The following CNTNAP4 variants were observed in gnomAD, a reference collection of about 807,000 sequenced individuals.
CNTNAP4 encodes the protein contactin-associated protein-like 4.
A neutral mutation model predicts 148.4 loss-of-function variants in CNTNAP4; 98 were observed. The observed-to-expected ratio is 0.66, with a 90% confidence interval of 0.56 to 0.78. CNTNAP4 has a LOEUF of 0.78. Among genes scored for constraint, CNTNAP4 ranks in the 30% least tolerant of loss-of-function variants. CNTNAP4 has a pLI of 0.00. For missense variants in CNTNAP4, 1,935 were observed against 1,565.6 expected (o/e 1.24, Z -3.98); for synonymous variants, 730 against 565.1 (o/e 1.29, Z -4.14).
chr16:76,519,038 GT>G (rs2083359677), intron 15 of CNTNAP4, among the ~76,000 whole-genome samples: 1 of 152,070 alleles, frequency 6.6e-6, no homozygotes, highest in South Asian at 2.1e-4. Flanking sequence ...CCAGATTCTG[GT>G]GGGTGTCTCT....
At chr16:76,361,655 A>G (rs2144551239) in intron 3 of CNTNAP4, among the ~76,000 whole-genome samples, 1 of 152,326 alleles carries the variant, frequency 6.6e-6, no homozygotes, top group South Asian at 2.1e-4. Context: ...TCCTGATTTC[A>G]GTTCTTTTGG....
At chr16:76,359,305 G>A (rs1055826624) in intron 3 of CNTNAP4, among the ~76,000 whole-genome samples, 3 of 152,130 alleles carry the variant, frequency 2.0e-5, no homozygotes, top group African/African-American at 7.2e-5. Flanking sequence ...ACGAAAGAGA[G>A]TTAGGAAACA....
intron 2 of CNTNAP4, among the ~76,000 whole-genome samples, chr16:76,325,466 C>G (rs1465208756): frequency 6.6e-6 from 1 of 152,002 alleles, no homozygotes; most frequent in Non-Finnish European, 1.5e-5. Flanking sequence ...AGTGCCCTAG[C>G]TATAGTGGAA....
intron 11 of CNTNAP4, among the ~76,000 whole-genome samples, chr16:76,478,394 A>C (rs1432521581): frequency 6.6e-6 from 1 of 151,854 alleles, no homozygotes; most frequent in African/African-American, 2.4e-5. Context: ...AGCATGATAT[A>C]TTATAGGAAC....
intron 8 of CNTNAP4, among the ~76,000 whole-genome samples, chr16:76,457,900 A>C (rs1264845231): frequency 6.6e-6 from 1 of 152,110 alleles, no homozygotes; most frequent in Non-Finnish European, 1.5e-5. Context: ...CCATTACCCA[A>C]ATAATGAACA....
intron 2 of CNTNAP4, among the ~76,000 whole-genome samples, chr16:76,350,054 A>G (rs937588651): frequency 6.6e-6 from 1 of 152,082 alleles, no homozygotes; most frequent in Non-Finnish European, 1.5e-5. Flanking sequence ...TATTGGTGAT[A>G]TTTAGTAGAT....
chr16:76,286,002 C>T (rs1958865933), intron 1 of CNTNAP4, among the ~76,000 whole-genome samples: 1 of 152,000 alleles, frequency 6.6e-6, no homozygotes, highest in African/African-American at 2.4e-5. Context: ...AATAGCTTTG[C>T]TCTAAAAGAG....
intron 10 of CNTNAP4, among the ~76,000 whole-genome samples, chr16:76,469,218 G>C (rs945463637): frequency 1.3e-5 from 2 of 152,148 alleles, no homozygotes; most frequent in African/African-American, 2.4e-5. Flanking sequence ...AATTTGCAGA[G>C]AAAACAATTC....
chr16:76,355,834 A>G (rs888011678), intron 3 of CNTNAP4, among the ~76,000 whole-genome samples: 42 of 148,052 alleles, frequency 2.8e-4, no homozygotes, highest in Non-Finnish European at 3.9e-4. Context: ...ATAGTCTTGC[A>G]TTGTCTTTTA....
At chr16:76,458,008 C>CCACTTACACATGTGTACCCACTTACA (rs2080801710) in intron 8 of CNTNAP4, among the ~76,000 whole-genome samples, 2 of 151,994 alleles carry the variant, frequency 1.3e-5, no homozygotes, top group Non-Finnish European at 2.9e-5. Flanking sequence ...CCATGTGTAC[C>CCACTTACACATGTGTACCCACTTACA]CAGTGATTAG....
intron 21 of CNTNAP4, among the ~76,000 whole-genome samples, chr16:76,542,781 C>T (rs985742156): frequency 3.3e-5 from 5 of 152,172 alleles, no homozygotes; most frequent in Admixed American, 1.3e-4. Flanking sequence ...GAAGAGTCCT[C>T]GTCCCCCAAA....
chr16:76,438,884 C>G (rs1481115568), intron 4 of CNTNAP4, among the ~76,000 whole-genome samples: 2 of 152,200 alleles, frequency 1.3e-5, no homozygotes, highest in Non-Finnish European at 2.9e-5. Flanking sequence ...CCTGTCCTTT[C>G]ATTCCATGCT....
chr16:76,445,327 T>C (rs2080199823), intron 4 of CNTNAP4, among the ~76,000 whole-genome samples: 1 of 152,202 alleles, frequency 6.6e-6, no homozygotes, highest in Non-Finnish European at 1.5e-5. Context: ...AGTTGTTTAC[T>C]TGCTAAATAT....
At chr16:76,411,480 G>T (rs1369762195) in intron 3 of CNTNAP4, among the ~76,000 whole-genome samples, 1 of 151,072 alleles carries the variant, frequency 6.6e-6, no homozygotes, top group Non-Finnish European at 1.5e-5. Context: ...GATGGTAATG[G>T]TCATAAGAAT....
intron 15 of CNTNAP4, among the ~76,000 whole-genome samples, chr16:76,518,529 A>AT (rs1345088685): frequency 1.3e-5 from 2 of 152,006 alleles, no homozygotes; most frequent in Admixed American, 6.5e-5. Context: ...TGTTATTTAA[A>AT]TTTTTTTCTA....
At chr16:76,449,693 T>TATA in intron 6 of CNTNAP4, 22 bp from the exon 7 acceptor site, 1 of 1,539,970 alleles carries the variant, frequency 6.5e-7, no homozygotes, top group East Asian at 2.4e-5. Context: ...ACAATATTAT[T>TATA]GATGCCATTT....
intron 1 of CNTNAP4, among the ~76,000 whole-genome samples, chr16:76,289,501 A>G (rs1332511575): frequency 1.3e-5 from 2 of 150,196 alleles, no homozygotes; most frequent in Non-Finnish European, 3.0e-5. Flanking sequence ...AAACATATGC[A>G]AGATGTTTCT....
intron 3 of CNTNAP4, among the ~76,000 whole-genome samples, chr16:76,395,137 C>T (rs1002886829): frequency 3.3e-5 from 5 of 152,168 alleles, no homozygotes; most frequent in Non-Finnish European, 7.3e-5. Context: ...AATTGGGAGG[C>T]ACTGCAGCCA....
At chr16:76,506,400 T>C (rs576754300) in intron 15 of CNTNAP4, among the ~76,000 whole-genome samples, 475 of 44,564 alleles carry the variant, frequency 0.011, 45 homozygotes, top group African/African-American at 0.017. Context: ...TCTTTCCTTC[T>C]TTCCTCCCTT....
Sources: gnomAD v4.1 joint callset for allele counts (sites outside exome capture counted in the v4.1 genomes callset) on GRCh38, gnomAD v4.1.1 for gene constraint, MANE v1.5 for transcripts, NCBI Gene and HGNC (gene_info 2026-07-23, HGNC 2026-07-21) for gene names.